FBXO31: variants seen among roughly 807,000 people sequenced by gnomAD.
FBXO31 encodes the protein F-box protein 31.
In FBXO31, 24 loss-of-function variants were observed where a neutral mutation model predicts 54.4. The observed-to-expected ratio is 0.44, with a 90% CI of 0.32 to 0.62. The LOEUF is 0.62. Among genes scored for constraint, FBXO31 ranks in the 20% least tolerant of loss-of-function variants. The pLI, the probability that FBXO31 is intolerant of heterozygous loss-of-function variation, is 0.05. For synonymous variants in FBXO31, 388 were observed against 335.6 expected, an observed-to-expected ratio of 1.16 and a Z score of -1.71; for missense variants, 665 against 787.1, an observed-to-expected ratio of 0.84 and a Z score of 1.86.
intron 1 of FBXO31, among the ~76,000 whole-genome samples, chr16:87,377,931 G>A (rs1021859657): frequency 2.0e-5 from 3 of 152,052 alleles, no homozygotes; most frequent in African/African-American, 7.2e-5. Context: ...CCCGAGGCAG[G>A]CGGATCACCT....
At chr16:87,359,092 G>T (rs185650769) in intron 2 of FBXO31, among the ~76,000 whole-genome samples, 2 of 152,324 alleles carry the variant, frequency 1.3e-5, no homozygotes, top group East Asian at 3.9e-4. Context: ...CAGTTGCTGC[G>T]CTGTGAAAAT....
intron 5 of FBXO31, among the ~76,000 whole-genome samples, chr16:87,341,434 T>A (rs1316882966): frequency 6.6e-6 from 1 of 151,606 alleles, no homozygotes; most frequent in East Asian, 2.0e-4. Context: ...GATGGGTGGA[T>A]CGCCTGAGGT....
intron 1 of FBXO31, among the ~76,000 whole-genome samples, chr16:87,370,568 G>A (rs1292980568): frequency 6.6e-6 from 1 of 152,160 alleles, no homozygotes; most frequent in South Asian, 2.1e-4. Context: ...AGGGGAATAG[G>A]AGCCTGTGGG....
In FBXO31 at chr16:87,338,245, A is replaced by G. The variant is rs1213501576; in HGVS notation, c.733-1981T>C. ...CACATACAAGCCACAAGAAAAAAAAAAAAACAGGGAGCCCAGGACATGCAC... is the reference window on the plus strand; with the variant it reads ...CACATACAAGCCACAAGAAAAAAAAGAAAACAGGGAGCCCAGGACATGCAC... On this transcript the variant is annotated intron_variant, in intron 5 of 8. Coordinates refer to ENST00000311635, the MANE Select transcript of FBXO31 (RefSeq NM_024735.5). This position sits in a 1 kb window ranked among gnomAD's most constrained non-coding sequence, Gnocchi z 4.3. Among the ~76,000 whole-genome samples the G allele has an allele frequency of 1.3e-5, 2 of 152,050 alleles. No individual in the cohort carries two copies. Among genetic ancestry groups the G allele is most frequent in the Non-Finnish European group, 2.9e-5 (2 of 67,992 alleles).
At chr16:87,380,552 C>A (rs1363012129) in intron 1 of FBXO31, among the ~76,000 whole-genome samples, 1 of 152,082 alleles carries the variant, frequency 6.6e-6, no homozygotes, top group Non-Finnish European at 1.5e-5. Flanking sequence ...CCATGACTGG[C>A]TAACTTTTGT....
rs919891920 is a variant in FBXO31, at chr16:87,372,993, C to T, written c.340+10412G>A. Among the ~76,000 whole-genome samples, 3 of 148,428 alleles carry T rather than the reference C, an allele frequency of 2.0e-5. No homozygotes were observed. The Admixed American group carries it at 2.1e-4, about 10-fold the overall frequency. On this transcript the variant is annotated intron_variant, in intron 1 of 8. Transcript: ENST00000311635. Reference sequence around the variant, plus strand: ...CAGGTGATCTACCCGCCTCAGCCTCCCAAAGTGCTGGGATTACAGGCGTGA... The same window carrying T: ...CAGGTGATCTACCCGCCTCAGCCTCTCAAAGTGCTGGGATTACAGGCGTGA...
At chr16:87,391,609 G>A (rs1397924059), upstream of FBXO31, 2 of 152,068 alleles carry the variant, frequency 1.3e-5, no homozygotes, top group African/African-American at 4.9e-5. Flanking sequence ...CACCAGGAGA[G>A]TTCCAGGCGC....
chr16:87,380,465 G>C (rs1368857021), intron 1 of FBXO31, among the ~76,000 whole-genome samples: 2 of 152,054 alleles, frequency 1.3e-5, no homozygotes, highest in Non-Finnish European at 2.9e-5. Context: ...GCAGTAGCAT[G>C]TTCACAGCTC....
At chr16:87,340,990 T>C (rs1159619519) in intron 5 of FBXO31, among the ~76,000 whole-genome samples, 1 of 152,176 alleles carries the variant, frequency 6.6e-6, no homozygotes, top group Admixed American at 6.5e-5. Context: ...GCACAGGCTA[T>C]GACCAGACAG....
At chr16:87,371,141 G>A (rs906605234) in intron 1 of FBXO31, among the ~76,000 whole-genome samples, 22 of 152,182 alleles carry the variant, frequency 1.4e-4, no homozygotes, top group Admixed American at 3.9e-4. Context: ...AAGCCTGGGC[G>A]CAGCCCCCAG....
At chr16:87,389,956 A>C (rs961573033), upstream of FBXO31, 35 of 152,368 alleles carry the variant, frequency 2.3e-4, no homozygotes, top group African/African-American at 8.4e-4. Flanking sequence ...AGAAAGTGCC[A>C]CCTGCACAAA....
At chr16:87,389,666 C>T (rs570083940) in intron 1 of FBXO31, 3 of 152,362 alleles carry the variant, frequency 2.0e-5, no homozygotes, top group East Asian at 1.9e-4. Context: ...GCAACACAGA[C>T]TCCACTCTTT....
At chr16:87,359,369 C>T (rs978427515) in intron 2 of FBXO31, among the ~76,000 whole-genome samples, 1 of 152,184 alleles carries the variant, frequency 6.6e-6, no homozygotes, top group African/African-American at 2.4e-5. Flanking sequence ...CAGGCAACAC[C>T]TCCGACCCCC....
At chr16:87,374,273 GGT>G (rs1403765578) in intron 1 of FBXO31, among the ~76,000 whole-genome samples, 1 of 151,838 alleles carries the variant, frequency 6.6e-6, no homozygotes, top group Admixed American at 6.6e-5. Flanking sequence ...AGGAAAATGT[GGT>G]AAGTTGAAAA....
At position 87,364,918 on chromosome 16, in the gene FBXO31, G is replaced by C. The variant is rs192358364; in HGVS notation, c.341-4552C>G. Among the ~76,000 whole-genome samples the C allele has an allele frequency of 1.4e-3, 206 of 146,398 alleles. 2 individuals carry two copies. Among genetic ancestry groups the C allele is most frequent in the African/African-American group, 5.0e-3 (199 of 39,508 alleles). ...ACTACTCAGGAGGCTGATGTGGGAA[G>C]ATCATCTGAGTCCAGGAGGTCGAGC... On this transcript the variant is annotated intron_variant, in intron 1 of 8. Coordinates refer to ENST00000311635, the MANE Select transcript of FBXO31 (RefSeq NM_024735.5).
In FBXO31 at chr16:87,335,597, C is replaced by T; in HGVS notation, c.843-140G>A. The T allele has an allele frequency of 9.9e-7, 1 of 1,009,090 alleles. No individual in the cohort carries two copies. The highest frequency in any genetic ancestry group is 1.4e-6 in the Non-Finnish European group (1 of 702,558). 62.5% of individuals were successfully genotyped at this position (1,009,090 alleles called of 1,614,324 possible). ...AACCAGGGCCAGGTGTCCACCAGGC[C>T]TGTGGGCAGCAATGCGCCCAGGGGA... On this transcript the variant is annotated intron_variant, in intron 6 of 8. Coordinates refer to ENST00000311635, the MANE Select transcript of FBXO31 (RefSeq NM_024735.5). The surrounding 1 kb of genome is among the most constrained non-coding windows in gnomAD (Gnocchi z 5.7).
chr16:87,379,362 G>A (rs578199319), intron 1 of FBXO31, among the ~76,000 whole-genome samples: 2 of 152,198 alleles, frequency 1.3e-5, no homozygotes, highest in Non-Finnish European at 2.9e-5. Flanking sequence ...CTATAACCCT[G>A]AGGCAGAGGG....
upstream of FBXO31, chr16:87,392,033 G>T (rs1370270396): frequency 1.1e-5 from 2 of 185,964 alleles, no homozygotes; most frequent in African/African-American, 2.3e-5. Flanking sequence ...CGGGCAGCAG[G>T]CTCCCGAGCG....
chr16:87,337,148 G>C (rs1316948338), intron 5 of FBXO31, among the ~76,000 whole-genome samples: 1 of 152,138 alleles, frequency 6.6e-6, no homozygotes, highest in African/African-American at 2.4e-5. Flanking sequence ...TTATGTCCTA[G>C]CAGCACAAAA....
Sources: allele counts gnomAD v4.1 joint callset (sites outside exome capture counted in the v4.1 genomes callset), GRCh38; gene constraint gnomAD v4.1.1; non-coding constraint Gnocchi (gnomAD v3.1); transcripts MANE v1.5; gene names NCBI Gene and HGNC (gene_info 2026-07-23, HGNC 2026-07-21).